TRAPPC9: variants seen among roughly 807,000 people sequenced by gnomAD.
The protein encoded by TRAPPC9 is IKK2 binding protein.
A neutral mutation model predicts 124.0 loss-of-function variants in TRAPPC9; 83 were observed. The observed-to-expected ratio is 0.67, with a 90% CI of 0.56 to 0.80. TRAPPC9 has a LOEUF of 0.80. Ranked by LOEUF, TRAPPC9 falls within the 30% of genes least tolerant of loss-of-function variation. The pLI, the probability that TRAPPC9 is intolerant of heterozygous loss-of-function variation, is 0.00. For synonymous variants in TRAPPC9, 638 were observed against 617.5 expected, an observed-to-expected ratio of 1.03 and a Z score of -0.49; for missense variants, 1,302 against 1,508.3, an observed-to-expected ratio of 0.86 and a Z score of 2.27.
chr8:139,790,113 A>C (rs1822552132), intron 21 of TRAPPC9, among the ~76,000 whole-genome samples: 1 of 152,210 alleles, frequency 6.6e-6, no homozygotes, highest in Non-Finnish European at 1.5e-5. Context: ...TCGCAGCACA[A>C]TCTCTACATC....
intron 21 of TRAPPC9, among the ~76,000 whole-genome samples, chr8:139,863,437 C>G (rs1178434166): frequency 6.6e-6 from 1 of 152,228 alleles, no homozygotes; most frequent in Non-Finnish European, 1.5e-5. Flanking sequence ...GCACCTCTTT[C>G]CCCTGGCAGG....
chr8:140,173,470 C>T (rs1280349934), intron 17 of TRAPPC9, among the ~76,000 whole-genome samples: 4 of 149,062 alleles, frequency 2.7e-5, no homozygotes, highest in African/African-American at 5.0e-5. Context: ...AGGAGAATGG[C>T]GTGAACCCAG....
intron 17 of TRAPPC9, among the ~76,000 whole-genome samples, chr8:140,205,059 A>G (rs560616157): frequency 1.2e-4 from 19 of 152,364 alleles, no homozygotes; most frequent in African/African-American, 4.6e-4. Flanking sequence ...GGAAAGAAAA[A>G]GAAGGAAGAA....
chr8:140,227,870 C>T (rs1470029652), intron 16 of TRAPPC9, among the ~76,000 whole-genome samples: 2 of 152,234 alleles, frequency 1.3e-5, no homozygotes, highest in Non-Finnish European at 2.9e-5. Context: ...CTCAATATCA[C>T]ACAGCTCATC....
intron 18 of TRAPPC9, among the ~76,000 whole-genome samples, chr8:140,019,232 T>C (rs1204813512): frequency 1.3e-5 from 2 of 150,218 alleles, no homozygotes; most frequent in African/African-American, 5.0e-5. Flanking sequence ...ATTTCACATG[T>C]ATATACATGA....
intron 7 of TRAPPC9, among the ~76,000 whole-genome samples, chr8:140,377,577 G>A (rs148152792): frequency 0.036 from 5,446 of 152,290 alleles, 209 homozygotes; most frequent in African/African-American, 0.097. Context: ...TTACAGGCAT[G>A]AGCCACTGCA....
At chr8:140,124,155 G>C (rs116377626) in intron 17 of TRAPPC9, among the ~76,000 whole-genome samples, 2,203 of 152,302 alleles carry the variant, frequency 0.014, 58 homozygotes, top group African/African-American at 0.049. Flanking sequence ...CACATATTTA[G>C]TGGCTTAAAA....
At chr8:140,373,350 G>T (rs1052782552) in intron 7 of TRAPPC9, among the ~76,000 whole-genome samples, 1 of 152,180 alleles carries the variant, frequency 6.6e-6, no homozygotes, top group South Asian at 2.1e-4. Flanking sequence ...TGACGCCGCC[G>T]GGGCACACAG....
rs1470766418 is a variant in TRAPPC9, at chr8:140,275,789, T to C, written c.2147A>G (p.Asp716Gly). Residue 716 changes from aspartate to glycine, a missense_variant, in exon 15 of 23, where the codon GAT (aspartate) becomes GGT (glycine). Physicochemically the swap from Asp to Gly is moderately conservative, Grantham distance 94. Coordinates refer to ENST00000438773, the MANE Select transcript of TRAPPC9 (RefSeq NM_001160372.4). ...GACAGATACATTAGTAGATATTTCA[T>C]CACCAGAAGAAGGTTGCAATGAATG... ...SAHSLQPSSG[D>G]EISTNVSVQL... 1.9e-6 allele frequency: 3 copies of C among 1,613,476 alleles called. No individual in the cohort carries two copies. Among genetic ancestry groups the C allele is most frequent in the Non-Finnish European group, 1.7e-6 (2 of 1,179,552 alleles).
At chr8:140,279,123 C>T (rs994117759) in intron 14 of TRAPPC9, among the ~76,000 whole-genome samples, 1 of 152,200 alleles carries the variant, frequency 6.6e-6, no homozygotes, top group Admixed American at 6.5e-5. Flanking sequence ...CAGTTTAATA[C>T]CACATCTTCT....
At chr8:140,223,497 C>T (rs2063382277) in intron 16 of TRAPPC9, among the ~76,000 whole-genome samples, 1 of 152,188 alleles carries the variant, frequency 6.6e-6, no homozygotes, top group African/African-American at 2.4e-5. Flanking sequence ...GCCTAGGATC[C>T]TTTTCGCTTT....
At chr8:139,789,033 C>T (rs1158989290) in intron 21 of TRAPPC9, among the ~76,000 whole-genome samples, 1 of 152,238 alleles carries the variant, frequency 6.6e-6, no homozygotes, top group Non-Finnish European at 1.5e-5. Context: ...AGGCTAAGAA[C>T]ACGGTACAGC....
chr8:140,049,105 T>A (rs769035309), intron 17 of TRAPPC9, among the ~76,000 whole-genome samples: 5 of 152,060 alleles, frequency 3.3e-5, no homozygotes, highest in African/African-American at 4.8e-5. Flanking sequence ...ACTGGCCCCA[T>A]CCCTTTCATC....
At chr8:140,221,213 G>A (rs1049760298) in intron 17 of TRAPPC9, among the ~76,000 whole-genome samples, 3 of 152,144 alleles carry the variant, frequency 2.0e-5, no homozygotes, top group East Asian at 3.8e-4. Context: ...ATCACCGCAC[G>A]CCTGGATTCA....
At chr8:139,828,103 G>GACAC (rs148886474) in intron 21 of TRAPPC9, among the ~76,000 whole-genome samples, 1 of 150,382 alleles carries the variant, frequency 6.6e-6, no homozygotes, top group Admixed American at 6.7e-5. Context: ...ACTTGGAGGG[G>GACAC]ACACACACAC....
chr8:140,341,372 TAGG>T (rs1261610666), intron 9 of TRAPPC9, among the ~76,000 whole-genome samples: 1 of 152,022 alleles, frequency 6.6e-6, no homozygotes, highest in Non-Finnish European at 1.5e-5. Flanking sequence ...CTGCTTAACT[TAGG>T]GGCCTACATA....
intron 17 of TRAPPC9, among the ~76,000 whole-genome samples, chr8:140,081,053 C>T (rs1376397678): frequency 6.6e-6 from 1 of 152,190 alleles, no homozygotes; most frequent in East Asian, 1.9e-4. Flanking sequence ...GAGGCACCCA[C>T]CCTGGCTCTG....
At chr8:139,963,749 CAAAAAAAAAAAAAAAA>C (rs58224556) in intron 19 of TRAPPC9, among the ~76,000 whole-genome samples, 1 of 107,372 alleles carries the variant, frequency 9.3e-6, no homozygotes, top group Non-Finnish European at 1.8e-5. Flanking sequence ...CCAGTTCTAC[CAAAAAAAAAAAAAAAA>C]AAAAAAAAAA....
chr8:139,889,150 A>T (rs1377311842), intron 20 of TRAPPC9, among the ~76,000 whole-genome samples: 1 of 152,202 alleles, frequency 6.6e-6, no homozygotes, highest in Non-Finnish European at 1.5e-5. Context: ...ATGCTACAAC[A>T]TGGATGAACC....
Sources: allele counts gnomAD v4.1 joint callset (sites outside exome capture counted in the v4.1 genomes callset), GRCh38; gene constraint gnomAD v4.1.1; transcripts MANE v1.5; gene names NCBI Gene and HGNC (gene_info 2026-07-23, HGNC 2026-07-21).